SGCZ: variants seen among roughly 807,000 people sequenced by gnomAD.
SGCZ encodes the protein zeta-sarcoglycan.
Under a neutral mutation model 41.3 loss-of-function variants are expected in SGCZ, and 40 were observed. The observed-to-expected ratio is 0.97, with a 90% CI of 0.75 to 1.26. SGCZ has a LOEUF of 1.26. SGCZ is among the 50% of genes most tolerant of loss of function. SGCZ has a pLI of 0.00. For missense variants in SGCZ, 552 were observed against 369.8 expected (o/e 1.49, Z -4.04); for synonymous variants, 206 against 137.5 (o/e 1.50, Z -3.49).
At chr8:15,154,337 C>A (rs1799266851) in intron 1 of SGCZ, among the ~76,000 whole-genome samples, 1 of 152,178 alleles carries the variant, frequency 6.6e-6, no homozygotes, top group Non-Finnish European at 1.5e-5. Context: ...ATGAAATAAG[C>A]TGATCTCTGG....
intron 3 of SGCZ, among the ~76,000 whole-genome samples, chr8:14,313,048 G>C (rs150903409): frequency 3.3e-5 from 5 of 152,190 alleles, no homozygotes; most frequent in Non-Finnish European, 5.9e-5. Flanking sequence ...TTGCATTCCT[G>C]CTCAACAACG....
At chr8:14,630,349 C>T (rs1324693526) in intron 1 of SGCZ, among the ~76,000 whole-genome samples, 1 of 151,620 alleles carries the variant, frequency 6.6e-6, no homozygotes, top group Non-Finnish European at 1.5e-5. Flanking sequence ...AGAGAGATGG[C>T]AAAACACTTG....
At chr8:14,532,125 C>A (rs1355604585) in intron 2 of SGCZ, among the ~76,000 whole-genome samples, 1 of 151,902 alleles carries the variant, frequency 6.6e-6, no homozygotes, top group East Asian at 1.9e-4. Flanking sequence ...GTGGAAATAC[C>A]AGAATGGCAT....
chr8:14,523,217 T>C (rs1370460218), intron 2 of SGCZ, among the ~76,000 whole-genome samples: 2 of 152,034 alleles, frequency 1.3e-5, no homozygotes, highest in South Asian at 2.1e-4. Flanking sequence ...CTAGAAAAGA[T>C]GGGAAAATCT....
chr8:14,778,262 T>C, intron 1 of SGCZ, among the ~76,000 whole-genome samples: 1 of 152,112 alleles, frequency 6.6e-6, no homozygotes, highest in Admixed American at 6.5e-5. Context: ...TTTGGGGCCT[T>C]CAGGAGTACA....
chr8:14,835,660 T>C (rs1186934410), intron 1 of SGCZ, among the ~76,000 whole-genome samples: 1 of 152,210 alleles, frequency 6.6e-6, no homozygotes, highest in Non-Finnish European at 1.5e-5. Context: ...CCACCATTTA[T>C]CATTACTTAT....
At chr8:14,215,732 T>G (rs1472521598) in intron 4 of SGCZ, among the ~76,000 whole-genome samples, 1 of 152,136 alleles carries the variant, frequency 6.6e-6, no homozygotes, top group Non-Finnish European at 1.5e-5. Context: ...AATTTGTACA[T>G]ATAAAAATAA....
chr8:14,339,862 T>C (rs187594917), intron 2 of SGCZ, among the ~76,000 whole-genome samples: 1 of 152,068 alleles, frequency 6.6e-6, no homozygotes, highest in East Asian at 1.9e-4. Flanking sequence ...GGGAATGAAA[T>C]AATTACTAAA....
chr8:14,813,948 G>A (rs566928998), intron 1 of SGCZ, among the ~76,000 whole-genome samples: 1 of 150,726 alleles, frequency 6.6e-6, no homozygotes, highest in Non-Finnish European at 1.5e-5. Context: ...GTGAGACTAT[G>A]TCTCAAAACT....
chr8:14,613,310 T>G (rs1403372035), intron 1 of SGCZ, among the ~76,000 whole-genome samples: 4 of 152,202 alleles, frequency 2.6e-5, no homozygotes, highest in Non-Finnish European at 4.4e-5. Flanking sequence ...TATTTTGATT[T>G]TATTGAACTG....
rs185799549 is a variant in SGCZ, at chr8:14,289,369, C to T, written c.336+34734G>A. Among the ~76,000 whole-genome samples the T allele has an allele frequency of 3.4e-3, 518 of 151,628 alleles. 7 individuals are homozygous for T. The highest frequency in any genetic ancestry group is 0.012 in the African/African-American group (487 of 41,358). On this transcript the variant is annotated intron_variant, in intron 3 of 7. Transcript: ENST00000382080. ...CAAATCCAAAGTTATGAATTAATAC[C>T]CCTATATTTTCTTCAAATAATTTTG...
At chr8:14,556,116 A>G (rs992000836) in intron 1 of SGCZ, among the ~76,000 whole-genome samples, 4 of 151,880 alleles carry the variant, frequency 2.6e-5, no homozygotes, top group African/African-American at 9.7e-5. Flanking sequence ...GAGTAAAACA[A>G]TATGAATAAG....
At chr8:15,208,168 T>C (rs995012572) in intron 1 of SGCZ, among the ~76,000 whole-genome samples, 3 of 152,230 alleles carry the variant, frequency 2.0e-5, no homozygotes, top group African/African-American at 4.8e-5. Context: ...ATAAGTTCCC[T>C]GAAGAATGTG....
At chr8:15,101,473 A>C (rs2131082178) in intron 1 of SGCZ, among the ~76,000 whole-genome samples, 1 of 152,340 alleles carries the variant, frequency 6.6e-6, no homozygotes, top group South Asian at 2.1e-4. Context: ...ATGGCAAATA[A>C]GCATAGGATA....
intron 1 of SGCZ, among the ~76,000 whole-genome samples, chr8:14,712,818 T>G (rs925107549): frequency 6.6e-6 from 1 of 152,146 alleles, no homozygotes; most frequent in African/African-American, 2.4e-5. Flanking sequence ...TTTTTTCTTC[T>G]TTTTTAATGT....
intron 2 of SGCZ, among the ~76,000 whole-genome samples, chr8:14,428,115 C>A (rs879882558): frequency 9.0e-5 from 1 of 11,106 alleles, no homozygotes; most frequent in African/African-American, 1.8e-4. Context: ...CACACACACA[C>A]ACACACACAC....
chr8:15,196,003 T>C (rs1034657186), intron 1 of SGCZ, among the ~76,000 whole-genome samples: 5 of 135,082 alleles, frequency 3.7e-5, no homozygotes, highest in African/African-American at 1.1e-4. Flanking sequence ...GTTCACGCCA[T>C]TCTCCTGCCT....
chr8:14,397,022 T>G (rs1798938765), intron 2 of SGCZ, among the ~76,000 whole-genome samples: 1 of 152,178 alleles, frequency 6.6e-6, no homozygotes, highest in Non-Finnish European at 1.5e-5. Flanking sequence ...TTATTTGAAC[T>G]TTACAGGACT....
intron 1 of SGCZ, among the ~76,000 whole-genome samples, chr8:14,991,321 C>G (rs1802006810): frequency 6.6e-6 from 1 of 152,224 alleles, no homozygotes; most frequent in East Asian, 1.9e-4. Flanking sequence ...AGCATCAGCA[C>G]CACCAAGGAG....
Sources: allele counts gnomAD v4.1 joint callset (sites outside exome capture counted in the v4.1 genomes callset), GRCh38; gene constraint gnomAD v4.1.1; transcripts MANE v1.5; gene names NCBI Gene and HGNC (gene_info 2026-07-23, HGNC 2026-07-21).